ST8SIA5: variants seen among roughly 807,000 people sequenced by gnomAD.
The protein encoded by ST8SIA5 is ST8 alpha-N-acetyl-neuraminide alpha-2,8-sialyltransferase 5.
A neutral mutation model predicts 40.2 loss-of-function variants in ST8SIA5; 24 were observed. That is an observed-to-expected ratio of 0.60 (90% CI 0.43 to 0.84). The LOEUF is 0.84. ST8SIA5 is among the 40% of genes least tolerant of loss of function. The pLI is 0.00. For missense variants in ST8SIA5, 465 were observed against 498.5 expected, an observed-to-expected ratio of 0.93 and a Z score of 0.64; for synonymous variants, 198 against 201.8, an observed-to-expected ratio of 0.98 and a Z score of 0.16.
rs995285117 is a variant in ST8SIA5 at position 46,677,722 on chromosome 18, G to A, written c.*2320C>T. ...CGATGCTCCAATCCTCAGCTCCTAC[G>A]AGGGCCCTGGCTGGGGCAGATTCCA... On this transcript the variant is annotated 3_prime_UTR_variant, in exon 7 of 7. Transcript: ENST00000315087. 3 of 152,160 alleles carry A rather than the reference G, an allele frequency of 2.0e-5. No homozygotes were observed. Among genetic ancestry groups the A allele is most frequent in the African/African-American group, 7.2e-5 (3 of 41,428 alleles). The allele number at this position is 152,160 out of a possible 1,614,324, so 9.4% of individuals were successfully genotyped here. A position where few individuals can be genotyped will look rare whatever the true frequency, so the allele number is the denominator to read the frequency against.
chr18:46,695,320 A>G (rs1442450730), intron 2 of ST8SIA5, among the ~76,000 whole-genome samples: 16 of 152,184 alleles, frequency 1.1e-4, no homozygotes, highest in Admixed American at 9.2e-4. Context: ...AGGAAAAGTC[A>G]TGGAAGATAG....
At chr18:46,721,542 T>G (rs1467367669) in intron 1 of ST8SIA5, 34 of 1,260,664 alleles carry the variant, frequency 2.7e-5, no homozygotes, top group Non-Finnish European at 1.7e-5. Flanking sequence ...AGAGCCACAT[T>G]CTGTTGCTGT....
In ST8SIA5 at chr18:46,749,786, C is replaced by T. The variant is rs532990220; in HGVS notation, c.131+6592G>A. On this transcript the variant is annotated intron_variant, in intron 1 of 6. Transcript: ENST00000315087. The stretch of plus-strand genomic sequence containing the variant: ...TAATTGTTTGTGTCCCCCCAAAATT[C>T]CTATGTTGAAATCGAATCCCAAGGC... 2.6e-5 allele frequency among the ~76,000 whole-genome samples: 4 copies of T among 152,230 alleles called. No homozygotes were observed. The East Asian group carries it at 7.7e-4, about 29-fold the overall frequency.
chr18:46,694,880 C>T (rs533465035), intron 2 of ST8SIA5, among the ~76,000 whole-genome samples: 3 of 151,692 alleles, frequency 2.0e-5, no homozygotes, highest in East Asian at 3.9e-4. Flanking sequence ...CTTTTTAGGC[C>T]GGGCGCAGTG....
intron 1 of ST8SIA5, among the ~76,000 whole-genome samples, chr18:46,706,075 T>A (rs1230630417): frequency 6.6e-6 from 1 of 152,100 alleles, no homozygotes; most frequent in African/African-American, 2.4e-5. Context: ...AAAATAATAC[T>A]GTGATACTTT....
chr18:46,701,722 G>A (rs757016286), intron 2 of ST8SIA5, among the ~76,000 whole-genome samples: 31 of 152,166 alleles, frequency 2.0e-4, no homozygotes, highest in Non-Finnish European at 2.9e-4. Flanking sequence ...GGACCTAACA[G>A]CAACATACAG....
At chr18:46,718,337 A>AG (rs373012384) in intron 1 of ST8SIA5, among the ~76,000 whole-genome samples, 7 of 151,628 alleles carry the variant, frequency 4.6e-5, no homozygotes, top group African/African-American at 7.3e-5. Flanking sequence ...CTCAAAAAAA[A>AG]AAAAAAAAGA....
Position 46,703,090 on chromosome 18 carries a change from T to C in ST8SIA5, c.224+1482A>G, listed in dbSNP as rs181250818. On this transcript the variant is annotated intron_variant, in intron 2 of 6. Transcript: ENST00000315087. The stretch of plus-strand genomic sequence containing the variant: ...GGTGCTGACATTTATTGAACACCTA[T>C]GATGTGCGCTACTGAGCATGAAGGC... Among the ~76,000 whole-genome samples, 15 of 152,386 alleles carry C rather than the reference T, an allele frequency of 9.8e-5. No individual in the cohort carries two copies. In the East Asian group the frequency reaches 1.7e-3, roughly 18 times the overall value.
chr18:46,685,109 C>T (rs1215775044), intron 5 of ST8SIA5, among the ~76,000 whole-genome samples: 1 of 152,158 alleles, frequency 6.6e-6, no homozygotes, highest in East Asian at 1.9e-4. Context: ...CTATCCTTAT[C>T]CCCATTTTGC....
At chr18:46,686,452 T>C (rs1472751770) in intron 4 of ST8SIA5, among the ~76,000 whole-genome samples, 166 bp from the exon 5 acceptor site, 5 of 151,334 alleles carry the variant, frequency 3.3e-5, no homozygotes, top group Non-Finnish European at 5.9e-5. Context: ...ATGGGAAGAG[T>C]GGTTGAGAGT....
At chr18:46,699,777 T>C (rs1207747304) in intron 2 of ST8SIA5, among the ~76,000 whole-genome samples, 2 of 152,324 alleles carry the variant, frequency 1.3e-5, no homozygotes, top group African/African-American at 4.8e-5. Context: ...TGAGCTGGCA[T>C]AGGGCCAGAC....
intron 5 of ST8SIA5, among the ~76,000 whole-genome samples, chr18:46,684,320 G>A (rs1401903103): frequency 6.6e-6 from 1 of 152,078 alleles, no homozygotes; most frequent in Non-Finnish European, 1.5e-5. Flanking sequence ...CCCTAGCAAG[G>A]AATATCATCC....
At chr18:46,703,871 A>G (rs2039642822) in intron 2 of ST8SIA5, among the ~76,000 whole-genome samples, 1 of 152,242 alleles carries the variant, frequency 6.6e-6, no homozygotes, top group South Asian at 2.1e-4. Context: ...AGGTGGGCAC[A>G]TGCATGCTAA....
intron 2 of ST8SIA5, among the ~76,000 whole-genome samples, chr18:46,696,118 A>G (rs530760102): frequency 6.6e-6 from 1 of 152,330 alleles, no homozygotes; most frequent in East Asian, 1.9e-4. Flanking sequence ...CTGTGCAAAT[A>G]TCTGGGAAAA....
intron 2 of ST8SIA5, among the ~76,000 whole-genome samples, chr18:46,703,428 C>A (rs954440725): frequency 2.0e-5 from 3 of 152,162 alleles, no homozygotes; most frequent in Non-Finnish European, 2.9e-5. Context: ...TTCGGCTAGT[C>A]TACAGCAACC....
intron 1 of ST8SIA5, among the ~76,000 whole-genome samples, chr18:46,717,804 A>G (rs2039807395): frequency 6.6e-6 from 1 of 152,182 alleles, no homozygotes. Flanking sequence ...TTTCTTTCTT[A>G]CCAATAGCCT....
chr18:46,704,940 C>T (rs928830486), intron 1 of ST8SIA5, among the ~76,000 whole-genome samples: 1 of 152,184 alleles, frequency 6.6e-6, no homozygotes, highest in Admixed American at 6.5e-5. Context: ...AATTCAGAAG[C>T]AGGTTTGGTT....
At chr18:46,749,207 T>C (rs633774) in intron 1 of ST8SIA5, among the ~76,000 whole-genome samples, 110,274 of 151,982 alleles carry the variant, frequency 0.73, 40,535 homozygotes, top group Middle Eastern at 0.8. Flanking sequence ...TTCCTAGGAC[T>C]AGGAGGGATA....
At chr18:46,700,463 C>T (rs1476584349) in intron 2 of ST8SIA5, among the ~76,000 whole-genome samples, 2 of 152,160 alleles carry the variant, frequency 1.3e-5, no homozygotes, top group Non-Finnish European at 2.9e-5. Flanking sequence ...GTGAAGCCCC[C>T]GGGTCCCAAG....
Sources: gnomAD v4.1 joint callset for allele counts (sites outside exome capture counted in the v4.1 genomes callset) on GRCh38, gnomAD v4.1.1 for gene constraint, MANE v1.5 for transcripts, NCBI Gene and HGNC (gene_info 2026-07-23, HGNC 2026-07-21) for gene names.